The following MYO1D variants were observed in gnomAD, a reference collection of about 807,000 sequenced individuals.
The protein encoded by MYO1D is myosin ID, also known as unconventional myosin-Id.
A neutral mutation model predicts 122.0 loss-of-function variants in MYO1D; 83 were observed. That is an observed-to-expected ratio of 0.68 (90% confidence interval 0.57 to 0.82). The LOEUF is 0.82. Ranked by LOEUF, MYO1D falls within the 40% of genes least tolerant of loss-of-function variation. The probability of loss-of-function intolerance (pLI) is 0.00; values close to 1 mark genes in which losing one functional copy is unlikely to be tolerated. For missense variants in MYO1D, 1,157 were observed against 1,269.5 expected (o/e 0.91, Z 1.35); for synonymous variants, 464 against 446.9 (o/e 1.04, Z -0.48).
At chr17:32,628,375 G>C (rs1034363429) in intron 20 of MYO1D, among the ~76,000 whole-genome samples, 3 of 152,170 alleles carry the variant, frequency 2.0e-5, no homozygotes, top group Admixed American at 6.5e-5. Context: ...ACAATTATAT[G>C]ACCATGCCAT....
intron 16 of MYO1D, among the ~76,000 whole-genome samples, chr17:32,676,951 C>T (rs1412749470): frequency 6.6e-6 from 1 of 151,910 alleles, no homozygotes. Context: ...GCTGGGACTA[C>T]AGGCGCCCAC....
intron 21 of MYO1D, among the ~76,000 whole-genome samples, chr17:32,571,903 A>G (rs778450120): frequency 2.0e-5 from 3 of 152,224 alleles, no homozygotes; most frequent in Admixed American, 1.3e-4. Context: ...AATTGCTTCT[A>G]CTTTTAGCTC....
At chr17:32,804,474 T>C (rs1171421760) in intron 1 of MYO1D, among the ~76,000 whole-genome samples, 3 of 152,208 alleles carry the variant, frequency 2.0e-5, no homozygotes, top group Non-Finnish European at 4.4e-5. Context: ...TAAGAACTAT[T>C]TGAAGACCCA....
chr17:32,849,521 T>G (rs765294916), intron 1 of MYO1D, among the ~76,000 whole-genome samples: 14 of 151,160 alleles, frequency 9.3e-5, no homozygotes, highest in African/African-American at 3.5e-4. Flanking sequence ...TGTAGGGACA[T>G]GGATGAAACT....
At chr17:32,596,465 C>A (rs891523644) in intron 21 of MYO1D, among the ~76,000 whole-genome samples, 9 of 152,204 alleles carry the variant, frequency 5.9e-5, no homozygotes, top group Admixed American at 1.3e-4. Flanking sequence ...TGGCTCCTCA[C>A]CTGTACTGCC....
intron 1 of MYO1D, among the ~76,000 whole-genome samples, chr17:32,800,429 G>C (rs1277897637): frequency 1.3e-5 from 2 of 152,120 alleles, no homozygotes; most frequent in Non-Finnish European, 2.9e-5. Flanking sequence ...ATTATGCTAA[G>C]TAGAATAAGC....
chr17:32,690,083 T>A (rs1260639848), intron 16 of MYO1D, among the ~76,000 whole-genome samples: 1 of 152,102 alleles, frequency 6.6e-6, no homozygotes, highest in African/African-American at 2.4e-5. Flanking sequence ...CCTGATATAT[T>A]TTTTACTTAT....
At chr17:32,848,970 TAAG>T (rs1567670963) in intron 1 of MYO1D, among the ~76,000 whole-genome samples, 1 of 152,142 alleles carries the variant, frequency 6.6e-6, no homozygotes, top group Non-Finnish European at 1.5e-5. Flanking sequence ...TTATTAAGTA[TAAG>T]AAGAAATAAA....
chr17:32,720,489 C>A (rs969866163), intron 15 of MYO1D, among the ~76,000 whole-genome samples: 4 of 152,046 alleles, frequency 2.6e-5, no homozygotes, highest in African/African-American at 9.7e-5. Context: ...GGAATCAAAC[C>A]AGGCAGACTG....
chr17:32,862,990 A>C (rs926567103), intron 1 of MYO1D: 10 of 152,212 alleles, frequency 6.6e-5, no homozygotes, highest in Non-Finnish European at 1.5e-4. Flanking sequence ...GGTGATCATG[A>C]CACAAAGCTG....
intron 21 of MYO1D, among the ~76,000 whole-genome samples, chr17:32,593,080 G>A (rs189207907): frequency 6.6e-6 from 1 of 151,942 alleles, no homozygotes; most frequent in East Asian, 1.9e-4. Flanking sequence ...ACTGTCACTG[G>A]GGTAGGTGTC....
At chr17:32,660,154 T>C (rs2088542761) in intron 16 of MYO1D, among the ~76,000 whole-genome samples, 1 of 152,172 alleles carries the variant, frequency 6.6e-6, no homozygotes, top group Non-Finnish European at 1.5e-5. Flanking sequence ...AACCCCTTTC[T>C]TTCCCTTTCT....
intron 1 of MYO1D, among the ~76,000 whole-genome samples, chr17:32,839,839 G>C (rs1321219153): frequency 6.6e-6 from 1 of 152,178 alleles, no homozygotes; most frequent in Non-Finnish European, 1.5e-5. Context: ...TGAATAGTGA[G>C]ATATTTAATA....
At chr17:32,681,709 GAAAAAAATGTATATTCT>G (rs2088920139) in intron 16 of MYO1D, among the ~76,000 whole-genome samples, 1 of 148,678 alleles carries the variant, frequency 6.7e-6, no homozygotes, top group Non-Finnish European at 1.5e-5. Context: ...GTGTGGTGCT[GAAAAAAATGTATATTCT>G]GTTGATTTGG....
chr17:32,784,163 T>C (rs879940737), intron 1 of MYO1D, among the ~76,000 whole-genome samples: 19 of 152,184 alleles, frequency 1.2e-4, no homozygotes, highest in Non-Finnish European at 2.2e-4. Flanking sequence ...TTGACTTCCA[T>C]CTACCAACAA....
chr17:32,579,868 T>C (rs1210453153), intron 21 of MYO1D, among the ~76,000 whole-genome samples: 1 of 152,258 alleles, frequency 6.6e-6, no homozygotes, highest in Non-Finnish European at 1.5e-5. Flanking sequence ...GATATAACAG[T>C]TTGCTTATCC....
At chr17:32,569,982 G>A (rs1314293077) in intron 21 of MYO1D, among the ~76,000 whole-genome samples, 1 of 152,200 alleles carries the variant, frequency 6.6e-6, no homozygotes, top group Non-Finnish European at 1.5e-5. Context: ...ATAGGACCAA[G>A]TTTCCTGAGC....
intron 1 of MYO1D, among the ~76,000 whole-genome samples, chr17:32,795,120 C>A (rs962663309): frequency 6.6e-6 from 1 of 152,122 alleles, no homozygotes; most frequent in Non-Finnish European, 1.5e-5. Context: ...AGGATAGGGA[C>A]AGGAGGCAAC....
chr17:32,567,848 C>T (rs1291329237), intron 21 of MYO1D, among the ~76,000 whole-genome samples: 2 of 152,176 alleles, frequency 1.3e-5, no homozygotes, highest in African/African-American at 4.8e-5. Context: ...AACGAGGCCA[C>T]TGCTACAGGT....
Sources: gnomAD v4.1 joint callset for allele counts (sites outside exome capture counted in the v4.1 genomes callset) on GRCh38, gnomAD v4.1.1 for gene constraint, MANE v1.5 for transcripts, NCBI Gene and HGNC (gene_info 2026-07-23, HGNC 2026-07-21) for gene names.